INPP4B: variants seen among roughly 807,000 people sequenced by gnomAD.
INPP4B encodes inositol polyphosphate 4-phosphatase type II.
In INPP4B, 55 loss-of-function variants were observed where a neutral mutation model predicts 122.5. The ratio of observed to expected loss-of-function variants is 0.45; its 90% CI spans 0.36 to 0.56. The LOEUF (loss-of-function observed/expected upper bound fraction) is 0.56, where lower values mean the gene tolerates loss of function less well. Ranked by LOEUF, INPP4B falls within the 20% of genes least tolerant of loss-of-function variation. INPP4B has a pLI of 0.00. For synonymous variants in INPP4B, 403 were observed against 388.7 expected (o/e 1.04, Z -0.43); for missense variants, 1,000 against 1,097.7 (o/e 0.91, Z 1.26).
At chr4:142,732,387 GAAAATA>G (rs1766231966) in intron 1 of INPP4B, among the ~76,000 whole-genome samples, 1 of 151,720 alleles carries the variant, frequency 6.6e-6, no homozygotes, top group Admixed American at 6.6e-5. Context: ...AAATATCAAT[GAAAATA>G]ATTTTAATTC....
At chr4:142,446,006 T>C (rs1234216928) in intron 3 of INPP4B, among the ~76,000 whole-genome samples, 2 of 152,066 alleles carry the variant, frequency 1.3e-5, no homozygotes, top group Non-Finnish European at 1.5e-5. Context: ...CTAAACTATA[T>C]ATCAAAATAT....
chr4:142,591,311 T>C (rs2150248292), intron 2 of INPP4B, among the ~76,000 whole-genome samples: 1 of 151,850 alleles, frequency 6.6e-6, no homozygotes, highest in South Asian at 2.1e-4. Flanking sequence ...AAAAAATTAA[T>C]GATAGGTTTA....
chr4:142,780,443 G>C (rs1029152674), intron 1 of INPP4B, among the ~76,000 whole-genome samples: 6 of 152,174 alleles, frequency 3.9e-5, no homozygotes, highest in African/African-American at 1.2e-4. Flanking sequence ...CGTTTAACAT[G>C]ATACATGCTG....
At chr4:142,781,530 C>A (rs1332855489) in intron 1 of INPP4B, among the ~76,000 whole-genome samples, 1 of 152,092 alleles carries the variant, frequency 6.6e-6, no homozygotes, top group Admixed American at 6.6e-5. Context: ...AACATTCTGA[C>A]CATTTACTGG....
Position 142,215,892 on chromosome 4 carries a change from C to CAAAAAAAAA in INPP4B, c.837-6875_837-6867dup, listed in dbSNP as rs200657873. On this transcript the variant is annotated intron_variant, in intron 12 of 25. Coordinates refer to ENST00000262992, the MANE Select transcript of INPP4B (RefSeq NM_001101669.3). ...TGGGCAACAGACCAAGACTCTGTCTCAAAAAAAAAAAAAAAAAAAAAAAAA... is the reference window on the plus strand; with the variant it reads ...TGGGCAACAGACCAAGACTCTGTCTCAAAAAAAAAAAAAAAAAAAAAAAAAAAAAAAAAA... Among the ~76,000 whole-genome samples, 30 of 54,576 alleles carry CAAAAAAAAA rather than the reference C, an allele frequency of 5.5e-4. 1 individual carries two copies. The highest frequency in any genetic ancestry group is 9.0e-4 in the African/African-American group (12 of 13,304). The allele number at this position is 54,576 out of a possible 152,430, so 35.8% of individuals were successfully genotyped here. A position where few individuals can be genotyped will look rare whatever the true frequency, so the allele number is the denominator to read the frequency against.
chr4:142,395,741 A>T (rs1799150692), intron 7 of INPP4B, among the ~76,000 whole-genome samples: 1 of 152,190 alleles, frequency 6.6e-6, no homozygotes, highest in African/African-American at 2.4e-5. Context: ...AGGAAATCCC[A>T]TAATATGTGC....
At chr4:142,367,793 T>C (rs1242188549) in intron 7 of INPP4B, among the ~76,000 whole-genome samples, 7 of 152,206 alleles carry the variant, frequency 4.6e-5, no homozygotes, top group African/African-American at 1.4e-4. Context: ...ACCTCTGCTA[T>C]GCAATTGTAT....
intron 21 of INPP4B, among the ~76,000 whole-genome samples, chr4:142,119,804 C>CAA (rs1561189227): frequency 2.0e-5 from 1 of 50,338 alleles, no homozygotes; most frequent in African/African-American, 3.8e-5. Flanking sequence ...TATACACACA[C>CAA]ACACACACAC....
At chr4:142,711,122 G>GA (rs1250781197) in intron 2 of INPP4B, among the ~76,000 whole-genome samples, 1 of 152,136 alleles carries the variant, frequency 6.6e-6, no homozygotes, top group Non-Finnish European at 1.5e-5. Flanking sequence ...AAAGTAGCTA[G>GA]AATGGCCTTA....
intron 1 of INPP4B, among the ~76,000 whole-genome samples, chr4:142,741,131 T>C (rs1309179809): frequency 7.2e-5 from 11 of 151,866 alleles, no homozygotes; most frequent in Non-Finnish European, 1.6e-4. Flanking sequence ...AAAAAGGAAA[T>C]GTATTAGGCC....
intron 7 of INPP4B, among the ~76,000 whole-genome samples, chr4:142,317,804 A>C (rs2151371298): frequency 6.6e-6 from 1 of 152,280 alleles, no homozygotes; most frequent in Middle Eastern, 3.4e-3. Flanking sequence ...AACAAACATA[A>C]ACCAGAGCTC....
At chr4:142,575,013 A>G (rs1419979069) in intron 2 of INPP4B, among the ~76,000 whole-genome samples, 1 of 152,122 alleles carries the variant, frequency 6.6e-6, no homozygotes, top group African/African-American at 2.4e-5. Flanking sequence ...TTTCGCTAGC[A>G]CTGAGAGTCT....
chr4:142,464,592 T>A (rs777300948), intron 2 of INPP4B, among the ~76,000 whole-genome samples: 4 of 148,590 alleles, frequency 2.7e-5, no homozygotes, highest in African/African-American at 5.1e-5. Context: ...GACCCAGAGT[T>A]GCTTTTAAGA....
At chr4:142,782,141 C>A (rs1774944209) in intron 1 of INPP4B, among the ~76,000 whole-genome samples, 1 of 151,944 alleles carries the variant, frequency 6.6e-6, no homozygotes, top group African/African-American at 2.4e-5. Flanking sequence ...CCTTCCCACA[C>A]CCCACAACAG....
intron 21 of INPP4B, among the ~76,000 whole-genome samples, chr4:142,119,851 A>T (rs1045202926): frequency 1.3e-5 from 2 of 150,456 alleles, no homozygotes; most frequent in Non-Finnish European, 3.0e-5. Flanking sequence ...ATATATACGT[A>T]TATATGAGTT....
chr4:142,809,644 T>C (rs1376425214), intron 1 of INPP4B, among the ~76,000 whole-genome samples: 2 of 152,114 alleles, frequency 1.3e-5, no homozygotes, highest in African/African-American at 4.8e-5. Context: ...CTGACTCAAA[T>C]GCAAAGAAAA....
At chr4:142,822,563 G>A (rs1780917602) in intron 1 of INPP4B, among the ~76,000 whole-genome samples, 1 of 152,140 alleles carries the variant, frequency 6.6e-6, no homozygotes, top group Non-Finnish European at 1.5e-5. Context: ...CTCCTTATGA[G>A]AATCTAATGC....
chr4:142,784,403 AT>A (rs1241521848), intron 1 of INPP4B, among the ~76,000 whole-genome samples: 26 of 149,510 alleles, frequency 1.7e-4, no homozygotes, highest in South Asian at 4.2e-4. Flanking sequence ...AAATAAATAA[AT>A]AAATAAAAAT....
At chr4:142,305,632 A>T in intron 8 of INPP4B, 95 bp from the exon 9 acceptor site, 1 of 1,499,322 alleles carries the variant, frequency 6.7e-7, no homozygotes, top group Non-Finnish European at 9.1e-7. Context: ...TAGAAGAATG[A>T]AATATTAAAT....
Sources: gnomAD v4.1 joint callset for allele counts (sites outside exome capture counted in the v4.1 genomes callset) on GRCh38, gnomAD v4.1.1 for gene constraint, MANE v1.5 for transcripts, NCBI Gene and HGNC (gene_info 2026-07-23, HGNC 2026-07-21) for gene names.